The following SPATA31D1 variants were observed in gnomAD, a reference collection of about 807,000 sequenced individuals.
SPATA31D1 encodes the protein spermatogenesis-associated protein 31D1.
SPATA31D1 carries 6 observed loss-of-function variants against 13.2 expected under a neutral mutation model. That is an observed-to-expected ratio of 0.46 (90% CI 0.25 to 0.90). The LOEUF (loss-of-function observed/expected upper bound fraction) is 0.90, where lower values mean the gene tolerates loss of function less well. Among genes scored for constraint, SPATA31D1 ranks in the 40% least tolerant of loss-of-function variants. SPATA31D1 has a pLI of 0.18. For synonymous variants in SPATA31D1, 903 were observed against 718.8 expected (o/e 1.26, Z -4.10); for missense variants, 2,445 against 1,884.7 (o/e 1.30, Z -5.50).
Position 81,990,854 on chromosome 9 carries a change from C to T in SPATA31D1, c.384C>T (p.Pro128=), listed in dbSNP as rs758737259. The change falls in exon 4 of 4, where the codon CCC becomes CCT. Residue 128 remains proline, a synonymous_variant. Transcript: ENST00000344803. The part of the protein sequence containing the change: ...NHFRRLLCPD[P]VCRVCKRATA... ...TTCGTCGACTGTTATGCCCAGACCCCGTCTGTCGGGTGTGTAAGAGAGCAA... is the reference window on the plus strand; with the variant it reads ...TTCGTCGACTGTTATGCCCAGACCCTGTCTGTCGGGTGTGTAAGAGAGCAA... 3.5e-5 allele frequency: 57 copies of T among 1,613,784 alleles called. 1 individual carries two copies. The highest frequency in any genetic ancestry group is 2.1e-4 in the South Asian group (19 of 91,082).
rs935987802 is a variant in SPATA31D1, at chr9:81,989,660, T to G, written c.187-118T>G. The G allele has an allele frequency of 6.3e-6, 7 of 1,104,016 alleles. No individual in the cohort carries two copies. The African/African-American group carries it at 1.1e-4, about 18-fold the overall frequency. The allele number at this position is 1,104,016 out of a possible 1,614,324, so 68.4% of individuals were successfully genotyped here. A position where few individuals can be genotyped will look rare whatever the true frequency, so the allele number is the denominator to read the frequency against. Reference sequence around the variant, plus strand: ...ATTGATAACAGGAACATATTTCTATTAATTAAAGAGTAATATTCTTGTATA... The same window carrying G: ...ATTGATAACAGGAACATATTTCTATGAATTAAAGAGTAATATTCTTGTATA... On this transcript the variant is annotated intron_variant, in intron 1 of 3. Coordinates refer to ENST00000344803, the MANE Select transcript of SPATA31D1 (RefSeq NM_001001670.3).
rs1824947537 is a variant in SPATA31D1 at position 81,991,048 on chromosome 9, C to T, written c.578C>T (p.Ser193Phe). Residue 193 changes from serine to phenylalanine, a missense_variant, in exon 4 of 4, where the codon TCT (serine) becomes TTT (phenylalanine). Physicochemically the swap from Ser to Phe is radical, Grantham distance 155 (BLOSUM62 -2). Coordinates refer to ENST00000344803, the MANE Select transcript of SPATA31D1 (RefSeq NM_001001670.3). The stretch of plus-strand genomic sequence containing the variant: ...ATACTGTCCCCTCGGCCTAAGGCCT[C>T]TCCACCACCCCCCTTAATTCTCTCA... ...DLILSPRPKA[S>F]PPPPLILSPD... 1 of 1,613,622 alleles carries T rather than the reference C, an allele frequency of 6.2e-7. No individual in the cohort carries two copies. Among genetic ancestry groups the T allele is most frequent in the African/African-American group, 1.3e-5 (1 of 74,906 alleles).
chr9:81,988,677 G>A (rs574953658), upstream of SPATA31D1: 1 of 1,377,018 alleles, frequency 7.3e-7, no homozygotes, highest in Non-Finnish European at 9.9e-7. Flanking sequence ...TGGGGCTGTG[G>A]ACACACCCTC....
At position 81,993,360 on chromosome 9, in the gene SPATA31D1, C is replaced by G. The variant is rs781739160; in HGVS notation, c.2890C>G (p.Arg964Gly). The change falls in exon 4 of 4, where the codon CGT (arginine) becomes GGT (glycine). Residue 964 changes from arginine (R) to glycine (G), a missense_variant. Transcript: ENST00000344803. ...TTCCAAAGATGGGGTCTCTAAGTCC[C>G]GTAGTCGAAGCACTTTTCAAGGAGA... is the stretch of plus-strand genomic sequence containing the variant. Reference protein sequence around the residue: ...GDSKDGVSKSRSRSTFQGEKL... With the variant: ...GDSKDGVSKSGSRSTFQGEKL... The G allele has an allele frequency of 6.2e-7, 1 of 1,613,820 alleles. No individual in the cohort carries two copies. The highest frequency in any genetic ancestry group is 8.5e-7 in the Non-Finnish European group (1 of 1,179,900).
chr9:81,990,349 T>A, intron 2 of SPATA31D1, 68 bp from the exon 3 acceptor site: 2 of 1,181,232 alleles, frequency 1.7e-6, no homozygotes, highest in Non-Finnish European at 2.4e-6. Context: ...ATCCCAAGGG[T>A]CTTCCACAGA....
In SPATA31D1 at chr9:81,992,130, T is replaced by G; in HGVS notation, c.1660T>G (p.Ser554Ala). Residue 554 changes from serine to alanine, a missense_variant, in exon 4 of 4, where the codon TCC (serine) becomes GCC (alanine). By Grantham distance (99) the Ser-to-Ala change is moderately conservative. Transcript: ENST00000344803. The stretch of plus-strand genomic sequence containing the variant: ...AGTACTTCCCCCTCCCCAACCTCTG[T>G]CCTTGCCTAGTACCCAACCACTACC... ...SPVLPPPQPL[S>A]LPSTQPLPLP... 1.2e-6 allele frequency: 2 copies of G among 1,613,682 alleles called. No individual in the cohort carries two copies. Among genetic ancestry groups the G allele is most frequent in the Non-Finnish European group, 1.7e-6 (2 of 1,179,710 alleles).
intron 1 of SPATA31D1, 72 bp downstream of exon 1, chr9:81,989,076 A>G (rs1824902530): frequency 1.1e-5 from 17 of 1,569,268 alleles, no homozygotes; most frequent in Non-Finnish European, 1.5e-5. Context: ...CAACATTTCT[A>G]AATAAGTTTG....
chr9:81,993,686 C>T lies in SPATA31D1; in HGVS notation c.3216C>T (p.Asp1072=), dbSNP rs757883411. ...GTLRREFSDT[D]NDLTESVRTT... ...TGAGAAGAGAATTCTCTGATACTGACAATGATCTTACAGAAAGTGTCCGGA... is the reference window on the plus strand; with the variant it reads ...TGAGAAGAGAATTCTCTGATACTGATAATGATCTTACAGAAAGTGTCCGGA... The change falls in exon 4 of 4, where the codon GAC becomes GAT. Residue 1072 remains aspartate (D), a synonymous_variant. Coordinates refer to ENST00000344803, the MANE Select transcript of SPATA31D1 (RefSeq NM_001001670.3). 1.2e-6 allele frequency: 2 copies of T among 1,614,012 alleles called. No homozygotes were observed. Among genetic ancestry groups the T allele is most frequent in the Non-Finnish European group, 1.7e-6 (2 of 1,179,898 alleles).
At position 81,994,634 on chromosome 9, in the gene SPATA31D1, T is replaced by C. The variant is rs1451251685; in HGVS notation, c.4164T>C (p.Ile1388=). 1.9e-6 allele frequency: 3 copies of C among 1,613,344 alleles called. No homozygotes were observed. Among genetic ancestry groups the C allele is most frequent in the Non-Finnish European group, 2.5e-6 (3 of 1,179,618 alleles). The part of the protein sequence containing the change: ...GSSLSSCVQN[I]GRVIRAAFTG... ...CCCTGTCATCATGTGTGCAGAATAT[T>C]GGTCGAGTTATAAGAGCTGCCTTTA... Residue 1388 remains isoleucine, a synonymous_variant, in exon 4 of 4, where the codon ATT becomes ATC. Coordinates refer to ENST00000344803, the MANE Select transcript of SPATA31D1 (RefSeq NM_001001670.3).
rs1391822944 is a variant in SPATA31D1 at position 81,992,423 on chromosome 9, TC to T, written c.1955del (p.Pro652LeufsTer32). ...VVQKSQEDFC[P>X]PAPNPELVRK... ...TTCAAAAATCCCAGGAAGACTTTTG[TC>T]CTCCAGCTCCCAATCCTGAATTGGT... On this transcript the variant is annotated frameshift_variant, in exon 4 of 4. Transcript: ENST00000344803. LOFTEE classifies it low-confidence loss of function (END_TRUNC). 6.2e-7 allele frequency: 1 copy of T among 1,613,046 alleles called. No individual in the cohort carries two copies. The highest frequency in any genetic ancestry group is 8.5e-7 in the Non-Finnish European group (1 of 1,179,734).
rs200879868 is a variant in SPATA31D1 at position 81,989,766 on chromosome 9, T to C, written c.187-12T>C. 6.9e-4 allele frequency: 1,110 copies of C among 1,613,510 alleles called. 1 individual carries two copies. Among genetic ancestry groups the C allele is most frequent in the Non-Finnish European group, 8.8e-4 (1,040 of 1,179,652 alleles). ...GAGTCCCAGCCTGTCATTATCTGTCTTTTGTTCTCAGCATCAGGGCAGAGC... is the reference window on the plus strand; with the variant it reads ...GAGTCCCAGCCTGTCATTATCTGTCCTTTGTTCTCAGCATCAGGGCAGAGC... On this transcript the variant is annotated splice_polypyrimidine_tract_variant and intron_variant, in intron 1 of 3. Coordinates refer to ENST00000344803, the MANE Select transcript of SPATA31D1 (RefSeq NM_001001670.3).
rs373743285 is a variant in SPATA31D1, at chr9:81,992,441, T to G, written c.1971T>G (p.Pro657=). The G allele has an allele frequency of 2.7e-4, 442 of 1,612,794 alleles. 2 individuals carry two copies. Among genetic ancestry groups the G allele is most frequent in the Middle Eastern group, 5.8e-4 (3 of 5,190 alleles). The part of the protein sequence containing the change: ...QEDFCPPAPN[P]ELVRKSFKVH... Reference sequence around the variant, plus strand: ...ACTTTTGTCCTCCAGCTCCCAATCCTGAATTGGTCAGAAAGTCCTTCAAGG... The same window carrying G: ...ACTTTTGTCCTCCAGCTCCCAATCCGGAATTGGTCAGAAAGTCCTTCAAGG... Residue 657 remains proline, a synonymous_variant, in exon 4 of 4, where the codon CCT becomes CCG. Coordinates refer to ENST00000344803, the MANE Select transcript of SPATA31D1 (RefSeq NM_001001670.3).
chr9:81,994,222 C>T lies in SPATA31D1; in HGVS notation c.3752C>T (p.Thr1251Ile). 1.2e-6 allele frequency: 2 copies of T among 1,614,036 alleles called. No individual in the cohort carries two copies. Among genetic ancestry groups the T allele is most frequent in the Non-Finnish European group, 1.7e-6 (2 of 1,179,908 alleles). The change falls in exon 4 of 4, where the codon ACT (threonine) becomes ATT (isoleucine). Residue 1251 changes from threonine to isoleucine, a missense_variant. Transcript: ENST00000344803. ...SQGISSGDMG[T>I]SQVVHVHLED... ...GGCATCTCGAGTGGGGACATGGGAA[C>T]TTCCCAGGTGGTGCATGTCCACTTG...
At position 81,993,323 on chromosome 9, in the gene SPATA31D1, C is replaced by T. The variant is rs371886457; in HGVS notation, c.2853C>T (p.Ile951=). 44 of 1,613,888 alleles carry T rather than the reference C, an allele frequency of 2.7e-5. No homozygotes were observed. The East Asian group carries it at 3.3e-4, about 12-fold the overall frequency. The stretch of plus-strand genomic sequence containing the variant: ...ACCTTCCCTCCTCAGCCACCTTCAT[C>T]TCTCAGGGAGATTCCAAAGATGGGG... ...HFDLPSSATF[I]SQGDSKDGVS... is the part of the protein sequence containing the mutation. The change falls in exon 4 of 4, where the codon ATC becomes ATT. Residue 951 remains isoleucine, a synonymous_variant. Transcript: ENST00000344803.
chr9:81,991,708 C>T lies in SPATA31D1; in HGVS notation c.1238C>T (p.Ala413Val), dbSNP rs189216235. The change falls in exon 4 of 4, where the codon GCA becomes GTA. Residue 413 changes from alanine (A) to valine (V), a missense_variant. Physicochemically the swap from Ala to Val is moderately conservative, Grantham distance 64 (BLOSUM62 0). Transcript: ENST00000344803. The stretch of plus-strand genomic sequence containing the variant: ...TCATTTCTCAGCCATGACATTCTGG[C>T]ACTCCTGGAGAGACAAGTCAAAAAA... ...NISFLSHDILALLERQVKKRG... is the reference protein window; with the variant it reads ...NISFLSHDILVLLERQVKKRG... The T allele has an allele frequency of 6.2e-7, 1 of 1,613,826 alleles. No individual in the cohort carries two copies. Among genetic ancestry groups the T allele is most frequent in the African/African-American group, 1.3e-5 (1 of 75,020 alleles).
rs1825037033 is a variant in SPATA31D1, at chr9:81,993,884, C to T, written c.3414C>T (p.Asp1138=). ...GAAAGAGTTCCTTTCATAATGTAGA[C>T]AGGCTTCAGGGCAGTAGAAAGACCT... ...DKRKSSFHNV[D]RLQGSRKTFP... The change falls in exon 4 of 4, where the codon GAC becomes GAT. Residue 1138 remains aspartate (D), a synonymous_variant. Coordinates refer to ENST00000344803, the MANE Select transcript of SPATA31D1 (RefSeq NM_001001670.3). 1.9e-6 allele frequency: 3 copies of T among 1,613,850 alleles called. No homozygotes were observed. Among genetic ancestry groups the T allele is most frequent in the Non-Finnish European group, 2.5e-6 (3 of 1,179,888 alleles).
In SPATA31D1 at chr9:81,994,962, C is replaced by G; in HGVS notation, c.4492C>G (p.Gln1498Glu). The G allele has an allele frequency of 6.2e-7, 1 of 1,613,968 alleles. No individual in the cohort carries two copies. Among genetic ancestry groups the G allele is most frequent in the Non-Finnish European group, 8.5e-7 (1 of 1,179,870 alleles). The change falls in exon 4 of 4, where the codon CAG (glutamine) becomes GAG (glutamate). Residue 1498 changes from glutamine (Q) to glutamate (E), a missense_variant. Gln to Glu is a conservative substitution (Grantham distance 29). Coordinates refer to ENST00000344803, the MANE Select transcript of SPATA31D1 (RefSeq NM_001001670.3). Reference sequence around the variant, plus strand: ...TAGACAGATCATAGACAAGGACAGACAGCCCCAGAAAGTTGAGGCATTTAA... The same window carrying G: ...TAGACAGATCATAGACAAGGACAGAGAGCCCCAGAAAGTTGAGGCATTTAA... ...RIRQIIDKDRQPQKVEAFKGK... is the reference protein window; with the variant it reads ...RIRQIIDKDREPQKVEAFKGK...
Position 81,992,388 on chromosome 9 carries a change from C to T in SPATA31D1, c.1918C>T (p.Pro640Ser), listed in dbSNP as rs763259162. 1 of 1,613,620 alleles carries T rather than the reference C, an allele frequency of 6.2e-7. No homozygotes were observed. Among genetic ancestry groups the T allele is most frequent in the African/African-American group, 1.3e-5 (1 of 74,922 alleles). ...QKVQESLWGLPSVVQKSQEDF... is the reference protein window; with the variant it reads ...QKVQESLWGLSSVVQKSQEDF... ...AGTGCAGGAAAGTTTGTGGGGCTTA[C>T]CCTCTGTGGTTCAAAAATCCCAGGA... is the stretch of plus-strand genomic sequence containing the variant. The change falls in exon 4 of 4, where the codon CCC becomes TCC. Residue 640 changes from proline to serine, a missense_variant. By Grantham distance (74) the Pro-to-Ser change is moderately conservative. Transcript: ENST00000344803.
chr9:81,989,105 T>C (rs1342896009), intron 1 of SPATA31D1, 101 bp downstream of exon 1: 16 of 1,484,658 alleles, frequency 1.1e-5, no homozygotes, highest in Middle Eastern at 2.5e-4. Context: ...AGAGACATGT[T>C]TTAGATGGGA....
Sources: allele counts gnomAD v4.1 joint callset, GRCh38; gene constraint gnomAD v4.1.1; transcripts MANE v1.5; gene names NCBI Gene and HGNC (gene_info 2026-07-23, HGNC 2026-07-21).